Variants in ARID1B observed in about 807,000 individuals in gnomAD.
ARID1B encodes AT-rich interactive domain-containing protein 1B.
ARID1B carries 30 observed loss-of-function variants against 212.3 expected under a neutral mutation model. That is an observed-to-expected ratio of 0.14 (90% CI 0.11 to 0.19). The LOEUF (loss-of-function observed/expected upper bound fraction) is 0.19. Among genes scored for constraint, ARID1B ranks in the 10% least tolerant of loss-of-function variants. The probability of loss-of-function intolerance (pLI) is 1.00; values close to 1 mark genes in which losing one functional copy is unlikely to be tolerated. For synonymous variants in ARID1B, 1,402 were observed against 1,301.7 expected (o/e 1.08, Z -1.66); for missense variants, 2,891 against 3,204.0 (o/e 0.90, Z 2.36).
At chr6:156,910,430 G>A (rs946903865) in intron 3 of ARID1B, among the ~76,000 whole-genome samples, 11 of 152,170 alleles carry the variant, frequency 7.2e-5, no homozygotes, top group Non-Finnish European at 1.2e-4. Context: ...TAACTGAGAG[G>A]TGTTGTCTTG....
At chr6:156,940,586 C>T (rs1399256525) in intron 4 of ARID1B, 2 of 152,218 alleles carry the variant, frequency 1.3e-5, no homozygotes, top group Non-Finnish European at 1.5e-5. Flanking sequence ...ATTCTTGGGG[C>T]TTGGCTATTA....
At chr6:156,949,608 C>A (rs1793428998) in intron 4 of ARID1B, among the ~76,000 whole-genome samples, 1 of 152,172 alleles carries the variant, frequency 6.6e-6, no homozygotes, top group South Asian at 2.1e-4. Context: ...AAATCAGATC[C>A]CCAGGACTCC....
intron 8 of ARID1B, chr6:157,149,302 C>T (rs888729110): frequency 5.8e-5 from 14 of 240,018 alleles, no homozygotes; most frequent in South Asian, 9.8e-5. Context: ...GCAGGAAATA[C>T]GCTTAGGAAC....
intron 1 of ARID1B, among the ~76,000 whole-genome samples, chr6:156,802,959 C>G (rs4870489): frequency 0.045 from 6,853 of 152,200 alleles, 202 homozygotes; most frequent in Non-Finnish European, 0.058. Flanking sequence ...AAGCGTGATC[C>G]TTATGCTAAT....
intron 2 of ARID1B, among the ~76,000 whole-genome samples, chr6:156,873,707 C>T (rs1786323093): frequency 6.6e-6 from 1 of 152,212 alleles, no homozygotes; most frequent in South Asian, 2.1e-4. Flanking sequence ...GCAGATTCTC[C>T]TTCACTTACG....
intron 7 of ARID1B, among the ~76,000 whole-genome samples, chr6:157,142,523 G>C (rs1789436934): frequency 1.3e-5 from 2 of 152,102 alleles, no homozygotes; most frequent in East Asian, 3.9e-4. Flanking sequence ...CTACTTAGGA[G>C]GCTCAAGTGG....
chr6:156,896,600 A>AAAG (rs1491291654), intron 2 of ARID1B, among the ~76,000 whole-genome samples: 11 of 146,392 alleles, frequency 7.5e-5, no homozygotes, highest in African/African-American at 2.8e-4. Flanking sequence ...AAAAAAAAAA[A>AAAG]GAGGACACAG....
At chr6:157,056,896 T>A (rs946540008) in intron 4 of ARID1B, among the ~76,000 whole-genome samples, 1 of 151,854 alleles carries the variant, frequency 6.6e-6, no homozygotes. Context: ...AAAACTTTTC[T>A]TCTTTTTTTT....
Position 156,933,728 on chromosome 6 carries a change from G to A in ARID1B, c.2137-1738G>A, listed in dbSNP as rs564325137. 5.3e-5 allele frequency among the ~76,000 whole-genome samples: 8 copies of A among 152,300 alleles called. No homozygotes were observed. In the South Asian group the frequency reaches 1.7e-3, roughly 32 times the overall value. On this transcript the variant is annotated intron_variant, in intron 3 of 19. Coordinates refer to ENST00000636930, the MANE Select transcript of ARID1B (RefSeq NM_001374828.1). The stretch of plus-strand genomic sequence containing the variant: ...ATGATATGAACTGGGTACATTACTA[G>A]TAGAGGTTAAATATCTGAGGCTTTT...
rs1003131791 is a variant in ARID1B at position 157,039,322 on chromosome 6, CTTTTTTTT to C, written c.2248-45328_2248-45321del. Among the ~76,000 whole-genome samples the C allele has an allele frequency of 4.6e-4, 47 of 102,952 alleles. 4 individuals are homozygous for C. The highest frequency in any genetic ancestry group is 9.8e-3 in the Middle Eastern group (2 of 204). The allele number at this position is 102,952 out of a possible 152,430, so 67.5% of individuals were successfully genotyped here. A position where few individuals can be genotyped will look rare whatever the true frequency, so the allele number is the denominator to read the frequency against. Reference sequence around the variant, plus strand: ...ATTAAAAATGGGAAATTTGACATTTCTTTTTTTTTTTTTTTTTTTGAGACGGAGTCTCG... The same window carrying C: ...ATTAAAAATGGGAAATTTGACATTTCTTTTTTTTTTTGAGACGGAGTCTCG... On this transcript the variant is annotated intron_variant, in intron 4 of 19. Coordinates refer to ENST00000636930, the MANE Select transcript of ARID1B (RefSeq NM_001374828.1).
intron 5 of ARID1B, among the ~76,000 whole-genome samples, chr6:157,088,591 T>A (rs1785097208): frequency 6.6e-6 from 1 of 152,240 alleles, no homozygotes; most frequent in African/African-American, 2.4e-5. Flanking sequence ...GTGCATTATG[T>A]TATATATTTG....
At position 156,876,398 on chromosome 6, in the gene ARID1B, T is replaced by C. The variant is rs1786549996; in HGVS notation, c.1987-24978T>C. Among the ~76,000 whole-genome samples, 3 of 152,168 alleles carry C rather than the reference T, an allele frequency of 2.0e-5. No homozygotes were observed. In the South Asian group the frequency reaches 6.2e-4, roughly 32 times the overall value. ...CGATATCTGTGTAGGCTCAGCTGTC[T>C]CGTCCTGGTTCCAGTGGCTCTACCC... On this transcript the variant is annotated intron_variant, in intron 2 of 19. Transcript: ENST00000636930.
chr6:157,097,427 G>A (rs1197283345), intron 5 of ARID1B, among the ~76,000 whole-genome samples: 1 of 152,078 alleles, frequency 6.6e-6, no homozygotes, highest in Non-Finnish European at 1.5e-5. Flanking sequence ...TTGACCACGT[G>A]TGCCACCTTT....
intron 4 of ARID1B, among the ~76,000 whole-genome samples, chr6:157,008,857 A>G (rs1779397852): frequency 6.6e-6 from 1 of 152,088 alleles, no homozygotes; most frequent in African/African-American, 2.4e-5. Flanking sequence ...TGGTGCTGGG[A>G]GCTGGCAGGT....
chr6:156,990,707 G>A (rs1778229329), intron 4 of ARID1B, among the ~76,000 whole-genome samples: 1 of 152,034 alleles, frequency 6.6e-6, no homozygotes, highest in African/African-American at 2.4e-5. Flanking sequence ...TTCCAAGCTG[G>A]TCTCAAACTC....
intron 4 of ARID1B, among the ~76,000 whole-genome samples, chr6:157,004,682 G>A (rs765623955): frequency 5.3e-5 from 8 of 152,126 alleles, no homozygotes; most frequent in Non-Finnish European, 8.8e-5. Context: ...GGACTTGGCT[G>A]TGTTCACCAC....
In ARID1B at chr6:157,197,016, T is replaced by G. The variant is rs138347145; in HGVS notation, c.4382+701T>G. Among the ~76,000 whole-genome samples the G allele has an allele frequency of 9.3e-3, 1,416 of 152,316 alleles. 11 individuals are homozygous for G. Among genetic ancestry groups the G allele is most frequent in the Admixed American group, 0.015 (224 of 15,304 alleles). ...GGAGGAAAAGTTATTGAAATGGCTCTGAAAGGTAACCTGAAAACTGCTTCC... is the reference window on the plus strand; with the variant it reads ...GGAGGAAAAGTTATTGAAATGGCTCGGAAAGGTAACCTGAAAACTGCTTCC... On this transcript the variant is annotated intron_variant, in intron 16 of 19. Transcript: ENST00000636930.
At chr6:156,881,730 A>C (rs1787114579) in intron 2 of ARID1B, among the ~76,000 whole-genome samples, 1 of 152,182 alleles carries the variant, frequency 6.6e-6, no homozygotes. Context: ...TTCCTTAAAA[A>C]TTGCCTCACG....
intron 4 of ARID1B, among the ~76,000 whole-genome samples, chr6:156,987,058 G>A (rs993222129): frequency 1.3e-5 from 2 of 151,636 alleles, no homozygotes; most frequent in African/African-American, 2.4e-5. Context: ...TGTGCCTGTC[G>A]TCGCAGCTGC....
Sources: allele counts gnomAD v4.1 joint callset (sites outside exome capture counted in the v4.1 genomes callset), GRCh38; gene constraint gnomAD v4.1.1; transcripts MANE v1.5; gene names NCBI Gene and HGNC (gene_info 2026-07-23, HGNC 2026-07-21).